The following VPS13A variants were observed in gnomAD, a reference collection of about 807,000 sequenced individuals.
VPS13A encodes the protein vacuolar protein sorting 13 homolog A, also known as intermembrane lipid transfer protein VPS13A.
A neutral mutation model predicts 390.9 loss-of-function variants in VPS13A; 264 were observed. The observed-to-expected ratio is 0.68, with a 90% confidence interval of 0.61 to 0.75. The LOEUF is 0.75. Ranked by LOEUF, VPS13A falls within the 30% of genes least tolerant of loss-of-function variation. VPS13A has a pLI of 0.00. For missense variants in VPS13A, 3,409 were observed against 3,733.9 expected (o/e 0.91, Z 2.27); for synonymous variants, 1,231 against 1,227.1 (o/e 1.00, Z -0.07).
chr9:77,351,236 A>G (rs1342868236), intron 52 of VPS13A, 81 bp from the exon 53 acceptor site: 8 of 1,543,230 alleles, frequency 5.2e-6, no homozygotes, highest in Non-Finnish European at 8.9e-7. Flanking sequence ...ACTAAGAATT[A>G]ATGAAGTATT....
chr9:77,294,729 G>A (rs560358798), intron 32 of VPS13A, among the ~76,000 whole-genome samples: 1 of 151,872 alleles, frequency 6.6e-6, no homozygotes, highest in South Asian at 2.1e-4. Flanking sequence ...ATTAGAGTTG[G>A]GTTCTTGCTC....
rs1177603206 is a variant in VPS13A, at chr9:77,260,089, C to A, written c.2292C>A (p.Phe764Leu). 2 of 1,492,728 alleles carry A rather than the reference C, an allele frequency of 1.3e-6. No homozygotes were observed. The highest frequency in any genetic ancestry group is 1.2e-5 in the South Asian group (1 of 86,030). 92.5% of individuals were successfully genotyped at this position (1,492,728 alleles called of 1,614,324 possible). ...MVFMDVRMPK[F>L]KIYGKLPLIS... Reference sequence around the variant, plus strand: ...TATTTTTATCTTTTCAAAACAGATTCAAGATTTATGGAAAGTTACCTCTTA... The same window carrying A: ...TATTTTTATCTTTTCAAAACAGATTAAAGATTTATGGAAAGTTACCTCTTA... Residue 764 changes from phenylalanine to leucine, a missense_variant, in exon 23 of 72, where the codon TTC becomes TTA. By Grantham distance (22) the Phe-to-Leu change is conservative (BLOSUM62 0). This residue lies in a region of VPS13A where 2,717 missense variants were observed against 2,917.4 expected (regional missense o/e 0.93). Transcript: ENST00000360280.
intron 1 of VPS13A, among the ~76,000 whole-genome samples, chr9:77,180,432 A>G (rs1210794255): frequency 6.6e-6 from 1 of 152,226 alleles, no homozygotes; most frequent in African/African-American, 2.4e-5. Context: ...CAGAGCATAC[A>G]TTTTTGATTT....
chr9:77,342,256 G>A (rs1830871788), intron 50 of VPS13A, among the ~76,000 whole-genome samples: 1 of 152,078 alleles, frequency 6.6e-6, no homozygotes, highest in Admixed American at 6.6e-5. Context: ...TACAGATTGA[G>A]CATCCTTAAT....
At chr9:77,282,374 T>A in intron 29 of VPS13A, 100 bp downstream of exon 29, 1 of 1,151,262 alleles carries the variant, frequency 8.7e-7, no homozygotes, top group Non-Finnish European at 1.2e-6. Flanking sequence ...AATATTGGCT[T>A]CAGAATTCTG....
At chr9:77,227,529 T>A (rs1823584485) in intron 16 of VPS13A, 44 bp downstream of exon 16, 2 of 1,422,748 alleles carry the variant, frequency 1.4e-6, no homozygotes, top group African/African-American at 2.9e-5. Context: ...TATTTATTTA[T>A]TTATTTGTTT....
intron 17 of VPS13A, among the ~76,000 whole-genome samples, chr9:77,231,313 G>A (rs1009819216): frequency 2.0e-5 from 3 of 152,042 alleles, no homozygotes; most frequent in Non-Finnish European, 4.4e-5. Flanking sequence ...TCTGTTCTTC[G>A]AAGGAAGTGT....
chr9:77,307,861 T>C, intron 34 of VPS13A, 84 bp from the exon 35 acceptor site: 1 of 1,138,820 alleles, frequency 8.8e-7, no homozygotes, highest in South Asian at 1.4e-5. Flanking sequence ...GTCTTTCATT[T>C]TTCTCCTCTG....
rs1587744601 is a variant in VPS13A at position 77,416,783 on chromosome 9, A to T, written c.*777A>T. ...CAAGTCATGTTTTTAATAGACTGCT[A>T]ATATCAAAGGAGAATTTTTAAAGCC... is the stretch of plus-strand genomic sequence containing the variant. On this transcript the variant is annotated 3_prime_UTR_variant, in exon 72 of 72. Transcript: ENST00000360280. The T allele has an allele frequency of 6.6e-6, 1 of 152,600 alleles. No homozygotes were observed. Among genetic ancestry groups the T allele is most frequent in the Non-Finnish European group, 1.5e-5 (1 of 68,036 alleles). The allele number at this position is 152,600 out of a possible 1,614,324, so 9.5% of individuals were successfully genotyped here.
At chr9:77,239,009 C>G (rs1824310871) in intron 19 of VPS13A, among the ~76,000 whole-genome samples, 1 of 151,820 alleles carries the variant, frequency 6.6e-6, no homozygotes, top group African/African-American at 2.4e-5. Flanking sequence ...ATATCTATAC[C>G]TATTCATTAG....
At chr9:77,402,643 A>G (rs1834438802) in intron 68 of VPS13A, among the ~76,000 whole-genome samples, 2 of 152,188 alleles carry the variant, frequency 1.3e-5, no homozygotes, top group Non-Finnish European at 1.5e-5. Context: ...GAAGCAAACA[A>G]TTGTTAATAA....
chr9:77,298,259 G>C lies in VPS13A; in HGVS notation c.3812+2413G>C, dbSNP rs1445719384. Among the ~76,000 whole-genome samples the C allele has an allele frequency of 2.6e-5, 4 of 152,188 alleles. No individual in the cohort carries two copies. The East Asian group carries it at 7.7e-4, about 29-fold the overall frequency. On this transcript the variant is annotated intron_variant, in intron 33 of 71. Coordinates refer to ENST00000360280, the MANE Select transcript of VPS13A (RefSeq NM_033305.3). ...CTAGGTGATGCACATAGGTGATGTT[G>C]TTTAGACTTCTAGGTTTAGGAGTTC...
chr9:77,401,876 T>C lies in VPS13A; in HGVS notation c.9190-1360T>C, dbSNP rs553096707. ...CATACCTTTTATTACAGTATAATTGTTCTATTTTATTATTGGTTATTGTTA... is the reference window on the plus strand; with the variant it reads ...CATACCTTTTATTACAGTATAATTGCTCTATTTTATTATTGGTTATTGTTA... On this transcript the variant is annotated intron_variant, in intron 68 of 71. Coordinates refer to ENST00000360280, the MANE Select transcript of VPS13A (RefSeq NM_033305.3). Among the ~76,000 whole-genome samples the C allele has an allele frequency of 2.0e-5, 3 of 152,248 alleles. No homozygotes were observed. The South Asian group carries it at 6.2e-4, about 32-fold the overall frequency.
intron 1 of VPS13A, among the ~76,000 whole-genome samples, chr9:77,181,291 G>A (rs1824000202): frequency 6.6e-6 from 1 of 152,006 alleles, no homozygotes; most frequent in Non-Finnish European, 1.5e-5. Context: ...GGGAGACTGG[G>A]GAGGGTGGAT....
chr9:77,326,181 A>AT (rs1311752885), intron 45 of VPS13A, among the ~76,000 whole-genome samples: 1 of 151,178 alleles, frequency 6.6e-6, no homozygotes, highest in African/African-American at 2.4e-5. Context: ...AGCTTTTGAG[A>AT]TTTTTTTTCT....
chr9:77,390,218 A>G (rs1320878620), intron 68 of VPS13A: 3 of 662,334 alleles, frequency 4.5e-6, no homozygotes, highest in Non-Finnish European at 5.6e-6. Context: ...CTCCAGAAGG[A>G]TACTTCTGAA....
chr9:77,368,219 C>T (rs2131583329), intron 62 of VPS13A, 83 bp downstream of exon 62: 1 of 1,116,986 alleles, frequency 9.0e-7, no homozygotes, highest in East Asian at 2.5e-5. Flanking sequence ...TAATGTGGAA[C>T]TATTGAGGAA....
chr9:77,391,304 A>G (rs772430638), intron 68 of VPS13A, among the ~76,000 whole-genome samples: 5 of 152,230 alleles, frequency 3.3e-5, no homozygotes, highest in Non-Finnish European at 7.3e-5. Context: ...TAACATTGTT[A>G]GAAAACTAGT....
intron 19 of VPS13A, among the ~76,000 whole-genome samples, chr9:77,243,398 G>A (rs1399135502): frequency 6.6e-6 from 1 of 152,138 alleles, no homozygotes; most frequent in Non-Finnish European, 1.5e-5. Flanking sequence ...AGATCCTGGA[G>A]CGTTTTGATT....
Sources: allele counts gnomAD v4.1 joint callset (sites outside exome capture counted in the v4.1 genomes callset), GRCh38; gene constraint gnomAD v4.1.1; regional missense constraint gnomAD v4.1.1; transcripts MANE v1.5; gene names NCBI Gene and HGNC (gene_info 2026-07-23, HGNC 2026-07-21).